The following UNC80 variants were observed in gnomAD, a reference collection of about 807,000 sequenced individuals.
UNC80 encodes unc-80 subunit of NALCN channel complex.
In UNC80, 164 loss-of-function variants were observed where a neutral mutation model predicts 384.6. The ratio of observed to expected loss-of-function variants is 0.43; its 90% CI spans 0.38 to 0.49. The LOEUF is 0.49. Among genes scored for constraint, UNC80 ranks in the 20% least tolerant of loss-of-function variants. UNC80 has a pLI of 0.00. For missense variants in UNC80, 3,330 were observed against 4,143.0 expected (o/e 0.80, Z 5.39); for synonymous variants, 1,486 against 1,527.8 (o/e 0.97, Z 0.64).
chr2:209,955,726 TATATATATATATACACACACACAC>T lies in UNC80; in HGVS notation c.7457+1458_7457+1481del, dbSNP rs1275443548. 5.1e-4 allele frequency among the ~76,000 whole-genome samples: 41 copies of T among 80,622 alleles called. 1 individual carries two copies. The highest frequency in any genetic ancestry group is 3.4e-3 in the African/African-American group (39 of 11,416). The allele number at this position is 80,622 out of a possible 152,430, so 52.9% of individuals were successfully genotyped here. On this transcript the variant is annotated intron_variant, in intron 48 of 64. Coordinates refer to ENST00000673920, the MANE Select transcript of UNC80 (RefSeq NM_001371986.1). Reference sequence around the variant, plus strand: ...ATATATATATATATATATATATATATATATATATATATACACACACACACACACACACAGAGAGAGACTGACTCA... The same window carrying T: ...ATATATATATATATATATATATATATACACACACAGAGAGAGACTGACTCA...
intron 13 of UNC80, among the ~76,000 whole-genome samples, chr2:209,823,434 GC>G: frequency 6.6e-6 from 1 of 152,230 alleles, no homozygotes; most frequent in East Asian, 1.9e-4. Flanking sequence ...AGGCTTTGTA[GC>G]CTTTACAGAG....
intron 5 of UNC80, among the ~76,000 whole-genome samples, chr2:209,787,070 C>CATA (rs1258410183): frequency 8.7e-6 from 1 of 114,548 alleles, no homozygotes; most frequent in African/African-American, 4.7e-5. Flanking sequence ...TTGCTTAATT[C>CATA]ATAAGGGTTT....
Position 209,962,290 on chromosome 2 carries a change from A to T in UNC80, c.7805+2583A>T, listed in dbSNP as rs575733140. Among the ~76,000 whole-genome samples the T allele has an allele frequency of 2.2e-3, 332 of 152,294 alleles. 2 individuals are homozygous for T. The highest frequency in any genetic ancestry group is 2.2e-3 in the Admixed American group (34 of 15,292). On this transcript the variant is annotated intron_variant, in intron 51 of 64. Transcript: ENST00000673920. ...TTGAGGAAAAGGGTCTCCAGTTTCCATGGCTAGCCTTGGAAAAGAATGAGA... is the reference window on the plus strand; with the variant it reads ...TTGAGGAAAAGGGTCTCCAGTTTCCTTGGCTAGCCTTGGAAAAGAATGAGA...
At chr2:209,833,083 G>A (rs1173307085) in intron 16 of UNC80, among the ~76,000 whole-genome samples, 1 of 152,106 alleles carries the variant, frequency 6.6e-6, no homozygotes, top group African/African-American at 2.4e-5. Context: ...GCAGAGTGAG[G>A]GGCACAGCGC....
intron 22 of UNC80, among the ~76,000 whole-genome samples, chr2:209,864,319 C>T (rs1291712645): frequency 6.6e-6 from 1 of 152,120 alleles, no homozygotes; most frequent in Non-Finnish European, 1.5e-5. Flanking sequence ...AGGGTTTCAC[C>T]TAGTTGGGTG....
At position 209,990,794 on chromosome 2, in the gene UNC80, G is replaced by A. The variant is rs74432329; in HGVS notation, c.9315-1372G>A. Among the ~76,000 whole-genome samples the A allele has an allele frequency of 6.5e-3, 987 of 152,306 alleles. 9 individuals are homozygous for A. Among genetic ancestry groups the A allele is most frequent in the Non-Finnish European group, 0.01 (692 of 68,010 alleles). ...GATAATGCACATGGATATTTTTGAA[G>A]TTGACATTCAGGAGAACAAGAAAGT... On this transcript the variant is annotated intron_variant, in intron 61 of 64. Transcript: ENST00000673920.
At chr2:209,818,512 T>C (rs937934288) in intron 11 of UNC80, among the ~76,000 whole-genome samples, 3 of 152,224 alleles carry the variant, frequency 2.0e-5, no homozygotes, top group Non-Finnish European at 4.4e-5. Context: ...CTCTTTGATC[T>C]GCACTGTATT....
intron 44 of UNC80, among the ~76,000 whole-genome samples, chr2:209,943,029 C>T (rs1483033099): frequency 6.6e-6 from 1 of 152,116 alleles, no homozygotes; most frequent in Non-Finnish European, 1.5e-5. Flanking sequence ...TACCATAATT[C>T]ACTTAACCAA....
rs796234563 is a variant in UNC80, at chr2:209,831,547, C to T, written c.2731C>T (p.Arg911Cys). The change falls in exon 16 of 65, where the codon CGC becomes TGC. Residue 911 changes from arginine to cysteine, a missense_variant. Physicochemically the swap from Arg to Cys is radical, Grantham distance 180. Coordinates refer to ENST00000673920, the MANE Select transcript of UNC80 (RefSeq NM_001371986.1). ...VSAMFKSLIT[R>C]CASTTHELHS... ...CGCCATGTTTAAATCCCTCATCACA[C>T]GCTGCGCTTCAACCACACATGAATT... 5.8e-6 allele frequency: 9 copies of T among 1,550,592 alleles called. No individual in the cohort carries two copies. Among genetic ancestry groups the T allele is most frequent in the South Asian group, 1.2e-5 (1 of 83,924 alleles).
At chr2:209,784,857 C>T (rs1006464844) in intron 4 of UNC80, among the ~76,000 whole-genome samples, 1 of 152,178 alleles carries the variant, frequency 6.6e-6, no homozygotes, top group Non-Finnish European at 1.5e-5. Context: ...CTAATACTTC[C>T]ACAGGGAATT....
intron 14 of UNC80, among the ~76,000 whole-genome samples, chr2:209,826,256 A>C (rs1372258958): frequency 6.6e-6 from 1 of 152,232 alleles, no homozygotes; most frequent in Non-Finnish European, 1.5e-5. Flanking sequence ...TAATTGGGAA[A>C]ACATTTCTGC....
intron 47 of UNC80, among the ~76,000 whole-genome samples, chr2:209,946,866 C>A (rs1245857390): frequency 6.6e-6 from 1 of 152,192 alleles, no homozygotes; most frequent in Non-Finnish European, 1.5e-5. Flanking sequence ...GCCTGTTTCT[C>A]TCTCCCATAA....
chr2:209,904,610 C>T (rs1162452646), intron 28 of UNC80, among the ~76,000 whole-genome samples, 155 bp from the exon 29 acceptor site: 3 of 152,106 alleles, frequency 2.0e-5, no homozygotes, highest in Non-Finnish European at 4.4e-5. Context: ...GATAAAGAAC[C>T]CTTTGTCCTC....
rs575714865 is a variant in UNC80 at position 209,951,831 on chromosome 2, G to A, written c.7287-2269G>A. ...CCCTCCCCTCTCCATTTATGTATATGTATTTTTTCCTCCTTAACCACATGC... is the reference window on the plus strand; with the variant it reads ...CCCTCCCCTCTCCATTTATGTATATATATTTTTTCCTCCTTAACCACATGC... On this transcript the variant is annotated intron_variant, in intron 47 of 64. Transcript: ENST00000673920. Among the ~76,000 whole-genome samples, 7 of 151,972 alleles carry A rather than the reference G, an allele frequency of 4.6e-5. No individual in the cohort carries two copies. The East Asian group carries it at 1.4e-3, about 29-fold the overall frequency.
At chr2:209,890,254 C>G (rs913201025) in intron 26 of UNC80, among the ~76,000 whole-genome samples, 2 of 152,118 alleles carry the variant, frequency 1.3e-5, no homozygotes, top group African/African-American at 4.8e-5. Context: ...AGTGATGCAT[C>G]ATTTCTTAAA....
chr2:209,934,473 A>C (rs2270233), intron 39 of UNC80, among the ~76,000 whole-genome samples: 24,967 of 152,206 alleles, frequency 0.16, 2,302 homozygotes, highest in East Asian at 0.22. Context: ...TAAACTCAAG[A>C]TACGGTTCCT....
At chr2:209,926,447 T>A (rs1415130466) in intron 35 of UNC80, among the ~76,000 whole-genome samples, 1 of 152,206 alleles carries the variant, frequency 6.6e-6, no homozygotes, top group Non-Finnish European at 1.5e-5. Context: ...TGCTTTTAAA[T>A]AAGTATGCCT....
intron 18 of UNC80, among the ~76,000 whole-genome samples, chr2:209,837,774 T>A (rs1415130353): frequency 7.2e-6 from 1 of 137,980 alleles, no homozygotes. Context: ...TACCTACATC[T>A]TTTTTTTTTT....
chr2:209,820,728 T>G, intron 13 of UNC80, 49 bp downstream of exon 13: 2 of 1,465,234 alleles, frequency 1.4e-6, no homozygotes, highest in Non-Finnish European at 1.8e-6. Flanking sequence ...ATACCTAATT[T>G]CTTTCTAAAG....
Sources: gnomAD v4.1 joint callset for allele counts (sites outside exome capture counted in the v4.1 genomes callset) on GRCh38, gnomAD v4.1.1 for gene constraint, MANE v1.5 for transcripts, NCBI Gene and HGNC (gene_info 2026-07-23, HGNC 2026-07-21) for gene names.